The following CRPPA variants were observed in gnomAD, a reference collection of about 807,000 sequenced individuals.
CRPPA encodes the protein D-ribitol-5-phosphate cytidylyltransferase.
In CRPPA, 43 loss-of-function variants were observed where a neutral mutation model predicts 52.0. That is an observed-to-expected ratio of 0.83 (90% confidence interval 0.65 to 1.07). CRPPA has a LOEUF of 1.07. CRPPA is among the 50% of genes least tolerant of loss of function. The probability of loss-of-function intolerance (pLI) is 0.00; values close to 1 mark genes in which losing one functional copy is unlikely to be tolerated. For missense variants in CRPPA, 629 were observed against 551.7 expected (o/e 1.14, Z -1.40); for synonymous variants, 250 against 203.5 (o/e 1.23, Z -1.94).
chr7:16,385,329 GA>G (rs1211008786), intron 2 of CRPPA, among the ~76,000 whole-genome samples: 1 of 151,782 alleles, frequency 6.6e-6, no homozygotes, highest in African/African-American at 2.4e-5. Context: ...AGAAAAATCA[GA>G]AAAAAATCCA....
intron 9 of CRPPA, among the ~76,000 whole-genome samples, chr7:16,143,691 A>T (rs187061586): frequency 2.5e-3 from 383 of 152,328 alleles, no homozygotes; most frequent in Middle Eastern, 0.01. Context: ...GTAGCACAAC[A>T]CATTAGCAAT....
intron 2 of CRPPA, among the ~76,000 whole-genome samples, chr7:16,377,278 G>C (rs1309269837): frequency 6.6e-6 from 1 of 152,128 alleles, no homozygotes; most frequent in Non-Finnish European, 1.5e-5. Flanking sequence ...TGAGGACACA[G>C]GGTGACAAAG....
At chr7:16,315,841 G>A (rs1424741360) in intron 3 of CRPPA, among the ~76,000 whole-genome samples, 4 of 152,106 alleles carry the variant, frequency 2.6e-5, no homozygotes, top group Non-Finnish European at 4.4e-5. Flanking sequence ...TATTTCCCAA[G>A]GAGATTTCTG....
intron 8 of CRPPA, among the ~76,000 whole-genome samples, chr7:16,228,681 A>C (rs1782712526): frequency 6.6e-6 from 1 of 151,858 alleles, no homozygotes; most frequent in Admixed American, 6.6e-5. Context: ...TTTCAATCTT[A>C]AGTATTTTAA....
At chr7:16,273,979 G>A (rs1003788623) in intron 6 of CRPPA, among the ~76,000 whole-genome samples, 25 of 152,170 alleles carry the variant, frequency 1.6e-4, no homozygotes, top group South Asian at 2.1e-4. Context: ...GAAGGGGCCA[G>A]GGGAACTGCC....
intron 5 of CRPPA, among the ~76,000 whole-genome samples, chr7:16,283,927 GA>G (rs2128419015): frequency 6.6e-6 from 1 of 152,006 alleles, no homozygotes; most frequent in East Asian, 1.9e-4. Context: ...TAAATTGAGG[GA>G]AATACAATTT....
intron 8 of CRPPA, among the ~76,000 whole-genome samples, chr7:16,251,323 C>T (rs1783443195): frequency 1.3e-5 from 2 of 152,240 alleles, no homozygotes; most frequent in African/African-American, 4.8e-5. Flanking sequence ...TTCAACGAGA[C>T]AGAAAATTAA....
chr7:16,389,038 A>G (rs1257782326), intron 2 of CRPPA, among the ~76,000 whole-genome samples: 1 of 152,214 alleles, frequency 6.6e-6, no homozygotes, highest in Non-Finnish European at 1.5e-5. Flanking sequence ...ACATATTCCT[A>G]GAAAGACAAT....
At chr7:16,135,241 T>C (rs1284298004) in intron 9 of CRPPA, among the ~76,000 whole-genome samples, 1 of 152,100 alleles carries the variant, frequency 6.6e-6, no homozygotes, top group Admixed American at 6.5e-5. Flanking sequence ...AGCCAGAAGG[T>C]TTTTAATAAA....
At chr7:16,137,928 T>A (rs1210151523) in intron 9 of CRPPA, among the ~76,000 whole-genome samples, 1 of 152,210 alleles carries the variant, frequency 6.6e-6, no homozygotes, top group Non-Finnish European at 1.5e-5. Flanking sequence ...ATATGAGCAC[T>A]GAGTGTTCAT....
At chr7:16,368,196 A>C (rs1786658966) in intron 3 of CRPPA, among the ~76,000 whole-genome samples, 1 of 152,226 alleles carries the variant, frequency 6.6e-6, no homozygotes, top group Non-Finnish European at 1.5e-5. Context: ...TCACATTTGA[A>C]GATTCAATAA....
At chr7:16,197,362 G>A (rs966696294) in intron 9 of CRPPA, among the ~76,000 whole-genome samples, 3 of 152,100 alleles carry the variant, frequency 2.0e-5, no homozygotes, top group African/African-American at 7.2e-5. Flanking sequence ...TTTGAGTCAG[G>A]GTCTCTTCTG....
chr7:16,274,745 T>C (rs1315164504), intron 6 of CRPPA, among the ~76,000 whole-genome samples: 29 of 152,258 alleles, frequency 1.9e-4, no homozygotes, highest in Admixed American at 1.9e-3. Flanking sequence ...TCTATATTTA[T>C]AGACGAATTA....
intron 3 of CRPPA, among the ~76,000 whole-genome samples, chr7:16,327,509 C>A (rs1012601845): frequency 1.4e-5 from 2 of 143,696 alleles, no homozygotes; most frequent in Non-Finnish European, 3.0e-5. Flanking sequence ...AGGAGAATGG[C>A]GTGAACCTGG....
chr7:16,372,363 T>C (rs1179933189), intron 3 of CRPPA, among the ~76,000 whole-genome samples: 1 of 152,170 alleles, frequency 6.6e-6, no homozygotes, highest in East Asian at 1.9e-4. Context: ...AGCAGAAACC[T>C]TACATGCCAG....
chr7:16,200,559 T>C (rs748651986), intron 9 of CRPPA, among the ~76,000 whole-genome samples: 18 of 152,230 alleles, frequency 1.2e-4, no homozygotes, highest in Non-Finnish European at 2.2e-4. Flanking sequence ...TAAAAATATA[T>C]GTTGCTGCCT....
At chr7:16,168,618 C>T (rs1170363923) in intron 9 of CRPPA, among the ~76,000 whole-genome samples, 1 of 151,520 alleles carries the variant, frequency 6.6e-6, no homozygotes, top group East Asian at 1.9e-4. Context: ...CATTGATATT[C>T]TCATGGTAAC....
At chr7:16,230,709 GC>G (rs1401463271) in intron 8 of CRPPA, among the ~76,000 whole-genome samples, 1 of 152,024 alleles carries the variant, frequency 6.6e-6, no homozygotes, top group Non-Finnish European at 1.5e-5. Flanking sequence ...TGTTCTTGAT[GC>G]TTTTGGTCAT....
chr7:16,398,728 C>G (rs1787693414), intron 2 of CRPPA, among the ~76,000 whole-genome samples: 1 of 152,132 alleles, frequency 6.6e-6, no homozygotes, highest in African/African-American at 2.4e-5. Context: ...GACACGTGAC[C>G]AACACTTAAC....
Sources: gnomAD v4.1 joint callset for allele counts (sites outside exome capture counted in the v4.1 genomes callset) on GRCh38, gnomAD v4.1.1 for gene constraint, MANE v1.5 for transcripts, NCBI Gene and HGNC (gene_info 2026-07-23, HGNC 2026-07-21) for gene names.